Variants in PDE11A observed in about 807,000 individuals in gnomAD.
PDE11A encodes dual 3',5'-cyclic-AMP and -GMP phosphodiesterase 11A.
PDE11A carries 100 observed loss-of-function variants against 100.5 expected under a neutral mutation model. The observed-to-expected ratio is 1.00, with a 90% CI of 0.85 to 1.18. The LOEUF (loss-of-function observed/expected upper bound fraction) is 1.18, where lower values mean the gene tolerates loss of function less well. PDE11A is among the 50% of genes most tolerant of loss of function. The pLI, the probability that PDE11A is intolerant of heterozygous loss-of-function variation, is 0.00. For missense variants in PDE11A, 1,141 were observed against 1,152.6 expected, an observed-to-expected ratio of 0.99 and a Z score of 0.15; for synonymous variants, 381 against 420.8, an observed-to-expected ratio of 0.91 and a Z score of 1.16.
At chr2:178,002,459 A>AGATCTG (rs1559038554) in intron 2 of PDE11A, among the ~76,000 whole-genome samples, 1 of 152,210 alleles carries the variant, frequency 6.6e-6, no homozygotes, top group Non-Finnish European at 1.5e-5. Flanking sequence ...GTCAAATGGT[A>AGATCTG]GATCTGTTTT....
chr2:178,022,333 T>C lies in PDE11A; in HGVS notation c.913-7873A>G, dbSNP rs141900152. 5.4e-3 allele frequency among the ~76,000 whole-genome samples: 815 copies of C among 152,302 alleles called. 3 individuals carry two copies. The highest frequency in any genetic ancestry group is 0.019 in the African/African-American group (782 of 41,566). ...CTGGGAGGGTAGTGGGATGATTCAC[T>C]GAGTGAGGAACGCAGTAAGGAACAG... On this transcript the variant is annotated intron_variant, in intron 1 of 19. Coordinates refer to ENST00000286063, the MANE Select transcript of PDE11A (RefSeq NM_016953.4).
chr2:178,083,326 T>C (rs10195225), intron 2 of PDE11A, among the ~76,000 whole-genome samples: 2,335 of 152,242 alleles, frequency 0.015, 56 homozygotes, highest in African/African-American at 0.053. Context: ...CTTGGACTCC[T>C]GACCTCAAGT....
chr2:177,695,345 G>A (rs190626131), intron 15 of PDE11A, among the ~76,000 whole-genome samples: 1 of 152,112 alleles, frequency 6.6e-6, no homozygotes, highest in East Asian at 1.9e-4. Flanking sequence ...GTCCTCTCTT[G>A]TAGCTATTCT....
chr2:177,732,600 C>A (rs1219315790), intron 10 of PDE11A, among the ~76,000 whole-genome samples: 1 of 152,124 alleles, frequency 6.6e-6, no homozygotes, highest in Non-Finnish European at 1.5e-5. Context: ...AATCCTCTAC[C>A]TTCCAAAGGC....
At chr2:177,701,062 G>A (rs2081188759) in intron 14 of PDE11A, 59 bp downstream of exon 14, 1 of 928,734 alleles carries the variant, frequency 1.1e-6, no homozygotes, top group Non-Finnish European at 1.8e-6. Context: ...AAGAGAGGGA[G>A]GAAACAAAGA....
intron 9 of PDE11A, among the ~76,000 whole-genome samples, chr2:177,798,840 A>G (rs376734726): frequency 1.3e-5 from 2 of 152,326 alleles, no homozygotes; most frequent in African/African-American, 4.8e-5. Flanking sequence ...GAGGTGGAGC[A>G]TAACTCCCCA....
intron 2 of PDE11A, among the ~76,000 whole-genome samples, chr2:177,948,758 C>G (rs1208806326): frequency 6.6e-6 from 1 of 152,044 alleles, no homozygotes; most frequent in Non-Finnish European, 1.5e-5. Context: ...AAAATTCAAA[C>G]ACTAGCCAAA....
chr2:177,950,869 G>A (rs2085497412), intron 2 of PDE11A, among the ~76,000 whole-genome samples: 1 of 152,158 alleles, frequency 6.6e-6, no homozygotes, highest in Admixed American at 6.5e-5. Flanking sequence ...TGAGATAGCG[G>A]CACTGCATTC....
chr2:177,998,401 T>C (rs1478837372), intron 2 of PDE11A: 2 of 873,506 alleles, frequency 2.3e-6, no homozygotes, highest in East Asian at 2.4e-5. Context: ...ATGTTAAATA[T>C]ACTCAACAGG....
chr2:178,103,845 C>A (rs1291686444), intron 2 of PDE11A, among the ~76,000 whole-genome samples: 1 of 152,156 alleles, frequency 6.6e-6, no homozygotes, highest in Non-Finnish European at 1.5e-5. Flanking sequence ...ATAGTGTAGT[C>A]TTTTCCAACC....
chr2:177,629,720 A>G (rs73038614), intron 19 of PDE11A, among the ~76,000 whole-genome samples, 158 bp from the exon 20 acceptor site: 5 of 152,358 alleles, frequency 3.3e-5, no homozygotes, highest in African/African-American at 1.2e-4. Context: ...AGAAGTAAAT[A>G]TGCATTTAAC....
intron 1 of PDE11A, among the ~76,000 whole-genome samples, chr2:178,108,005 C>T (rs2087641801): frequency 6.6e-6 from 1 of 152,194 alleles, no homozygotes; most frequent in African/African-American, 2.4e-5. Flanking sequence ...GAGGCGTAAG[C>T]CACCATGCCA....
At chr2:177,675,795 C>T (rs2080764439) in intron 16 of PDE11A, 1 of 571,442 alleles carries the variant, frequency 1.7e-6, no homozygotes, top group Non-Finnish European at 3.3e-6. Flanking sequence ...ACTTTCTGTA[C>T]ACCTGAGCTA....
chr2:178,093,299 C>T (rs2087446538), intron 2 of PDE11A, among the ~76,000 whole-genome samples: 1 of 152,160 alleles, frequency 6.6e-6, no homozygotes, highest in Non-Finnish European at 1.5e-5. Flanking sequence ...TCTTAGAGAT[C>T]ATGCAATCCA....
chr2:177,915,486 T>C (rs2084939764), intron 2 of PDE11A, among the ~76,000 whole-genome samples: 1 of 152,216 alleles, frequency 6.6e-6, no homozygotes, highest in African/African-American at 2.4e-5. Context: ...CTTAGCAATA[T>C]CCATTTAAGG....
chr2:177,792,157 T>A (rs1470587984), intron 9 of PDE11A, among the ~76,000 whole-genome samples: 2 of 152,210 alleles, frequency 1.3e-5, no homozygotes, highest in African/African-American at 4.8e-5. Flanking sequence ...TGAGGCTGTT[T>A]TTCTTAATCA....
intron 1 of PDE11A, among the ~76,000 whole-genome samples, chr2:178,063,977 T>TA (rs1275646961): frequency 1.3e-5 from 2 of 152,258 alleles, no homozygotes; most frequent in African/African-American, 2.4e-5. Flanking sequence ...CTGTGTATTT[T>TA]AAAACATTAA....
intron 1 of PDE11A, among the ~76,000 whole-genome samples, chr2:178,026,886 A>T (rs935275192): frequency 6.6e-6 from 1 of 152,128 alleles, no homozygotes; most frequent in Non-Finnish European, 1.5e-5. Flanking sequence ...CACATCAGAC[A>T]TCAAAATTAA....
chr2:177,791,407 G>C (rs1173250884), intron 9 of PDE11A, among the ~76,000 whole-genome samples: 1 of 108,736 alleles, frequency 9.2e-6, no homozygotes, highest in African/African-American at 3.6e-5. Flanking sequence ...GGAGGGGGGA[G>C]GGATAGCATT....
Sources: allele counts gnomAD v4.1 joint callset (sites outside exome capture counted in the v4.1 genomes callset), GRCh38; gene constraint gnomAD v4.1.1; transcripts MANE v1.5; gene names NCBI Gene and HGNC (gene_info 2026-07-23, HGNC 2026-07-21).